ZMYND11: variants seen among roughly 807,000 people sequenced by gnomAD.
ZMYND11 encodes zinc finger MYND-type containing 11, also known as zinc finger MYND domain-containing protein 11.
In ZMYND11, 9 loss-of-function variants were observed where a neutral mutation model predicts 84.9. That is an observed-to-expected ratio of 0.11 (90% CI 0.06 to 0.18). The LOEUF (loss-of-function observed/expected upper bound fraction) is 0.18. Ranked by LOEUF, ZMYND11 falls within the 10% of genes least tolerant of loss-of-function variation. The pLI is 1.00. For missense variants in ZMYND11, 409 were observed against 761.0 expected (o/e 0.54, Z 5.44); for synonymous variants, 250 against 244.1 (o/e 1.02, Z -0.23).
At chr10:217,377 G>T (rs1237373014) in intron 3 of ZMYND11, among the ~76,000 whole-genome samples, 1 of 152,082 alleles carries the variant, frequency 6.6e-6, no homozygotes, top group African/African-American at 2.4e-5. Flanking sequence ...AAAAAAATTA[G>T]CTGGGTATGG....
At chr10:196,618 A>G (rs924710104) in intron 2 of ZMYND11, among the ~76,000 whole-genome samples, 6 of 152,306 alleles carry the variant, frequency 3.9e-5, no homozygotes, top group Non-Finnish European at 7.4e-5. Flanking sequence ...GTTAATATAG[A>G]TTGTGTACTA....
At chr10:177,882 T>C in intron 1 of ZMYND11, among the ~76,000 whole-genome samples, 1 of 152,184 alleles carries the variant, frequency 6.6e-6, no homozygotes, top group East Asian at 1.9e-4. Context: ...AAATTTATAA[T>C]AATATATTTC....
At chr10:167,827 C>G (rs1198579616) in intron 1 of ZMYND11, among the ~76,000 whole-genome samples, 1 of 152,038 alleles carries the variant, frequency 6.6e-6, no homozygotes, top group Non-Finnish European at 1.5e-5. Flanking sequence ...GTGGCAAATA[C>G]ACATAACATA....
At chr10:171,767 A>G (rs954640203) in intron 1 of ZMYND11, among the ~76,000 whole-genome samples, 1 of 152,148 alleles carries the variant, frequency 6.6e-6, no homozygotes, top group Non-Finnish European at 1.5e-5. Flanking sequence ...CCCTACAGCT[A>G]ACATCATACT....
chr10:248,344 G>A lies in ZMYND11; in HGVS notation c.1236G>A (p.Glu412=). 6.2e-7 allele frequency: 1 copy of A among 1,613,408 alleles called. No individual in the cohort carries two copies. Among genetic ancestry groups the A allele is most frequent in the Non-Finnish European group, 8.5e-7 (1 of 1,179,468 alleles). The change falls in exon 13 of 15, where the codon GAG becomes GAA. Residue 412 remains glutamate (E), a synonymous_variant. Coordinates refer to ENST00000381604, the MANE Select transcript of ZMYND11 (RefSeq NM_001370100.5). ...QSVEPKKEEP[E]PETEAVSSSQ... ...CTTGTCTCACCTTTTAGGAACCAGA[G>A]CCTGAAACAGAAGCAGTAAGTTCTA... is the stretch of plus-strand genomic sequence containing the variant.
chr10:181,501 C>T lies in ZMYND11; in HGVS notation c.116+1373C>T, dbSNP rs888087342. 1.0e-3 allele frequency among the ~76,000 whole-genome samples: 152 copies of T among 152,272 alleles called. 5 individuals carry two copies. The highest frequency in any genetic ancestry group is 3.4e-4 in the Non-Finnish European group (23 of 68,034). On this transcript the variant is annotated intron_variant, in intron 2 of 14. Coordinates refer to ENST00000381604, the MANE Select transcript of ZMYND11 (RefSeq NM_001370100.5). Reference sequence around the variant, plus strand: ...TGGTGTGGTGGTGCACACCTGTGGTCCCAACCACTCAGGAGGCTGAGGTGG... The same window carrying T: ...TGGTGTGGTGGTGCACACCTGTGGTTCCAACCACTCAGGAGGCTGAGGTGG...
intron 3 of ZMYND11, among the ~76,000 whole-genome samples, chr10:219,065 G>C (rs1188299849): frequency 6.6e-6 from 1 of 152,166 alleles, no homozygotes; most frequent in Non-Finnish European, 1.5e-5. Flanking sequence ...TCATATAAAT[G>C]TGTCCAGATG....
In ZMYND11 at chr10:236,734, ACT is replaced by A. The variant is rs925535308; in HGVS notation, c.439-101_439-100del. 1.1e-4 allele frequency: 106 copies of A among 964,872 alleles called. No homozygotes were observed. In the Middle Eastern group the frequency reaches 2.0e-3, roughly 18 times the overall value. 59.8% of individuals were successfully genotyped at this position (964,872 alleles called of 1,614,324 possible). A position where few individuals can be genotyped will look rare whatever the true frequency, so the allele number is the denominator to read the frequency against. ...GTTGGAAAAAGAGCACTTTTAGTAA[ACT>A]CTTTGCATACTATCTAAGTGTTTCA... On this transcript the variant is annotated intron_variant, in intron 4 of 14. Coordinates refer to ENST00000381604, the MANE Select transcript of ZMYND11 (RefSeq NM_001370100.5).
upstream of ZMYND11, chr10:134,357 A>T (rs1435418592): frequency 2.0e-5 from 3 of 152,238 alleles, no homozygotes; most frequent in Non-Finnish European, 4.4e-5. Flanking sequence ...CTCAGGGAAA[A>T]CAGGTGAACG....
intron 1 of ZMYND11, among the ~76,000 whole-genome samples, chr10:177,632 T>C (rs1330121261): frequency 1.3e-5 from 2 of 152,204 alleles, no homozygotes; most frequent in African/African-American, 4.8e-5. Flanking sequence ...TTTAAAATGT[T>C]AGCTTTGCTG....
At chr10:157,508 A>G (rs1178142257) in intron 1 of ZMYND11, among the ~76,000 whole-genome samples, 1 of 152,202 alleles carries the variant, frequency 6.6e-6, no homozygotes. Context: ...CATAATAGCT[A>G]TTTTTAAAAG....
At chr10:206,767 C>G (rs1944245881) in intron 2 of ZMYND11, among the ~76,000 whole-genome samples, 3 of 152,114 alleles carry the variant, frequency 2.0e-5, no homozygotes, top group Admixed American at 2.0e-4. Context: ...GTTTTTATCA[C>G]TTTATCACTA....
chr10:228,937 C>A lies in ZMYND11; in HGVS notation c.438+7581C>A, dbSNP rs183319056. Among the ~76,000 whole-genome samples, 272 of 152,184 alleles carry A rather than the reference C, an allele frequency of 1.8e-3. 1 individual carries two copies. The highest frequency in any genetic ancestry group is 6.4e-3 in the African/African-American group (264 of 41,540). On this transcript the variant is annotated intron_variant, in intron 4 of 14. Coordinates refer to ENST00000381604, the MANE Select transcript of ZMYND11 (RefSeq NM_001370100.5). ...TCTCTGTAGATAAATACTATTTTAG[C>A]AGGTGTGTGTGTGTATGTGTGTACC...
chr10:171,791 C>T (rs1177110154), intron 1 of ZMYND11, among the ~76,000 whole-genome samples: 1 of 152,146 alleles, frequency 6.6e-6, no homozygotes, highest in African/African-American at 2.4e-5. Flanking sequence ...TGGTAAGGAA[C>T]TTGAAGCTTT....
intron 2 of ZMYND11, among the ~76,000 whole-genome samples, chr10:200,882 T>C (rs1443118843): frequency 6.6e-6 from 1 of 152,196 alleles, no homozygotes; most frequent in Non-Finnish European, 1.5e-5. Context: ...TTTTCCATTT[T>C]ATTGTTTTCT....
chr10:214,927 CTT>C (rs1226298415), intron 3 of ZMYND11, among the ~76,000 whole-genome samples: 3 of 152,176 alleles, frequency 2.0e-5, no homozygotes, highest in Admixed American at 1.3e-4. Context: ...GAGTTATACT[CTT>C]AAGCAATAAG....
chr10:239,588 C>A, intron 7 of ZMYND11, 63 bp downstream of exon 7: 1 of 1,122,246 alleles, frequency 8.9e-7, no homozygotes, highest in Non-Finnish European at 1.3e-6. Context: ...CCATGTTGAA[C>A]ACTATCTTTT....
chr10:203,053 G>A (rs1335425656), intron 2 of ZMYND11, among the ~76,000 whole-genome samples: 2 of 151,962 alleles, frequency 1.3e-5, no homozygotes, highest in Non-Finnish European at 2.9e-5. Flanking sequence ...CATCATATTT[G>A]CATTTATATT....
At chr10:207,634 A>G (rs971597608) in intron 2 of ZMYND11, among the ~76,000 whole-genome samples, 6 of 152,224 alleles carry the variant, frequency 3.9e-5, no homozygotes, top group Non-Finnish European at 7.3e-5. Context: ...CCACTGCTCA[A>G]TGAAATAAAA....
Sources: gnomAD v4.1 joint callset for allele counts (sites outside exome capture counted in the v4.1 genomes callset) on GRCh38, gnomAD v4.1.1 for gene constraint, MANE v1.5 for transcripts, NCBI Gene and HGNC (gene_info 2026-07-23, HGNC 2026-07-21) for gene names.